The following C1QTNF3 variants were observed in gnomAD, a reference collection of about 807,000 sequenced individuals.
The protein encoded by C1QTNF3 is complement C1q tumor necrosis factor-related protein 3.
Under a neutral mutation model 32.6 loss-of-function variants are expected in C1QTNF3, and 26 were observed. The ratio of observed to expected loss-of-function variants is 0.80; its 90% CI spans 0.58 to 1.11. C1QTNF3 has a LOEUF of 1.11. C1QTNF3 is among the 50% of genes least tolerant of loss of function. The pLI is 0.00. For synonymous variants in C1QTNF3, 155 were observed against 146.0 expected, an observed-to-expected ratio of 1.06 and a Z score of -0.44; for missense variants, 362 against 398.2, an observed-to-expected ratio of 0.91 and a Z score of 0.77.
chr5:34,071,413 C>T, the C1QTNF3 span, among the ~76,000 whole-genome samples: 452 of 151,828 alleles, frequency 3.0e-3, 1 homozygote, highest in African/African-American at 0.01. Flanking sequence ...GATGTTTTTC[C>T]CACTATCAGT....
At chr5:34,032,653 C>T (rs1160863308) in intron 3 of C1QTNF3, among the ~76,000 whole-genome samples, 1 of 152,046 alleles carries the variant, frequency 6.6e-6, no homozygotes, top group South Asian at 2.1e-4. Flanking sequence ...AAAAATTAGC[C>T]AGGTGTGGTG....
the C1QTNF3 span, among the ~76,000 whole-genome samples, chr5:34,170,896 A>G: frequency 6.6e-6 from 1 of 152,136 alleles, no homozygotes; most frequent in East Asian, 1.9e-4. Context: ...TACAGATTCA[A>G]TTTTTCTGAT....
At chr5:34,054,744 G>A in the C1QTNF3 span, among the ~76,000 whole-genome samples, 1 of 126,098 alleles carries the variant, frequency 7.9e-6, no homozygotes, top group South Asian at 2.9e-4. Flanking sequence ...TAAACCAACT[G>A]TAGGAATCTG....
chr5:34,064,985 C>T, the C1QTNF3 span, among the ~76,000 whole-genome samples: 18 of 151,922 alleles, frequency 1.2e-4, no homozygotes, highest in Non-Finnish European at 2.2e-4. Flanking sequence ...TTGGTCTTGG[C>T]GAAGAATTTT....
chr5:34,141,878 C>A, the C1QTNF3 span, among the ~76,000 whole-genome samples: 1,771 of 152,134 alleles, frequency 0.012, 18 homozygotes, highest in South Asian at 0.05. Context: ...CAGAAGCCAA[C>A]CCAAGGATCT....
the C1QTNF3 span, among the ~76,000 whole-genome samples, chr5:34,127,059 T>TC: frequency 6.6e-6 from 1 of 152,212 alleles, no homozygotes; most frequent in Non-Finnish European, 1.5e-5. Flanking sequence ...ATTGTAACCT[T>TC]CCTGAGTCCT....
chr5:34,079,229 T>C, the C1QTNF3 span, among the ~76,000 whole-genome samples: 1 of 151,632 alleles, frequency 6.6e-6, no homozygotes, highest in African/African-American at 2.4e-5. Context: ...TCCTCAATTC[T>C]AAATCCTAGA....
At chr5:34,240,650 C>G in the C1QTNF3 span, among the ~76,000 whole-genome samples, 1 of 151,930 alleles carries the variant, frequency 6.6e-6, no homozygotes, top group Non-Finnish European at 1.5e-5. Flanking sequence ...AGCCAAAAAG[C>G]CCTGGACTAT....
At chr5:34,241,951 G>GGGAAGGAA in the C1QTNF3 span, among the ~76,000 whole-genome samples, 2,114 of 90,130 alleles carry the variant, frequency 0.023, 60 homozygotes, top group East Asian at 0.051. Context: ...AAGGGAGGGA[G>GGGAAGGAA]GGAAGGAAGG....
rs558504763 is a variant in C1QTNF3 at position 34,026,044 on chromosome 5, A to G, written c.701-2036T>C. On this transcript the variant is annotated intron_variant, in intron 4 of 5. Transcript: ENST00000382065. Reference sequence around the variant, plus strand: ...AAAATCTGACAGGGCCACTGCCTCCATCAGAAGTTGCTTCCTTTTAATTCT... The same window carrying G: ...AAAATCTGACAGGGCCACTGCCTCCGTCAGAAGTTGCTTCCTTTTAATTCT... 2.6e-5 allele frequency among the ~76,000 whole-genome samples: 4 copies of G among 152,360 alleles called. No individual in the cohort carries two copies. The South Asian group carries it at 8.3e-4, about 32-fold the overall frequency.
At chr5:34,060,560 AAG>A in the C1QTNF3 span, among the ~76,000 whole-genome samples, 2 of 152,202 alleles carry the variant, frequency 1.3e-5, no homozygotes, top group Non-Finnish European at 2.9e-5. Flanking sequence ...TTATAAAAGA[AAG>A]AGGTTTAATT....
At chr5:34,076,706 C>T in the C1QTNF3 span, among the ~76,000 whole-genome samples, 2 of 151,640 alleles carry the variant, frequency 1.3e-5, no homozygotes, top group East Asian at 1.9e-4. Context: ...GCTACTCTGA[C>T]ATTTGTCTTG....
At chr5:34,098,550 A>G in the C1QTNF3 span, among the ~76,000 whole-genome samples, 1 of 151,886 alleles carries the variant, frequency 6.6e-6, no homozygotes, top group African/African-American at 2.4e-5. Context: ...TTGTATCACC[A>G]CTGTTACTTT....
chr5:34,048,440 C>T, the C1QTNF3 span, among the ~76,000 whole-genome samples: 2 of 152,030 alleles, frequency 1.3e-5, no homozygotes, highest in African/African-American at 4.8e-5. Context: ...TAAGAAATTA[C>T]ACAACACAGG....
At chr5:34,091,608 A>G in the C1QTNF3 span, among the ~76,000 whole-genome samples, 14 of 152,284 alleles carry the variant, frequency 9.2e-5, no homozygotes, top group African/African-American at 3.4e-4. Context: ...CTATCGTTAC[A>G]TGGCAACTTA....
At chr5:34,172,222 A>G in the C1QTNF3 span, among the ~76,000 whole-genome samples, 5 of 152,128 alleles carry the variant, frequency 3.3e-5, no homozygotes, top group Non-Finnish European at 7.4e-5. Context: ...ATACATAGCT[A>G]TGGTAAAGTT....
In C1QTNF3 at chr5:34,024,210, TC is replaced by T. The variant is rs1262259515; in HGVS notation, c.701-203del. ...GTGCTTTCAATGTGTACACTGTGTA[TC>T]CCGAATAAGACTTAAAAGTCTTTAA... is the stretch of plus-strand genomic sequence containing the variant. On this transcript the variant is annotated intron_variant, in intron 4 of 5. Coordinates refer to ENST00000382065, the MANE Select transcript of C1QTNF3 (RefSeq NM_181435.6). 8 of 522,048 alleles carry T rather than the reference TC, an allele frequency of 1.5e-5. No homozygotes were observed. The African/African-American group carries it at 1.5e-4, about 10-fold the overall frequency. 32.3% of individuals were successfully genotyped at this position (522,048 alleles called of 1,614,324 possible). A position where few individuals can be genotyped will look rare whatever the true frequency, so the allele number is the denominator to read the frequency against.
At chr5:34,217,030 G>C in the C1QTNF3 span, among the ~76,000 whole-genome samples, 1 of 152,064 alleles carries the variant, frequency 6.6e-6, no homozygotes, top group Non-Finnish European at 1.5e-5. Context: ...GTGTTTAACA[G>C]ACACTATTCA....
the C1QTNF3 span, among the ~76,000 whole-genome samples, chr5:34,067,697 C>T: frequency 2.0e-5 from 3 of 152,152 alleles, no homozygotes; most frequent in Non-Finnish European, 4.4e-5. Context: ...CACATTAAAA[C>T]CATATCAGCA....
Sources: allele counts gnomAD v4.1 joint callset (sites outside exome capture counted in the v4.1 genomes callset), GRCh38; gene constraint gnomAD v4.1.1; transcripts MANE v1.5; gene names NCBI Gene and HGNC (gene_info 2026-07-23, HGNC 2026-07-21).